PCDHGA1: variants seen among roughly 807,000 people sequenced by gnomAD.
PCDHGA1 encodes the protein protocadherin gamma subfamily A, 1, also known as protocadherin gamma-A1.
PCDHGA1 carries 32 observed loss-of-function variants against 58.0 expected under a neutral mutation model. The observed-to-expected ratio is 0.55, with a 90% CI of 0.42 to 0.74. PCDHGA1 has a LOEUF of 0.74. Among genes scored for constraint, PCDHGA1 ranks in the 30% least tolerant of loss-of-function variants. The pLI is 0.00. For missense variants in PCDHGA1, 1,205 were observed against 1,182.3 expected (o/e 1.02, Z -0.28); for synonymous variants, 498 against 501.1 (o/e 0.99, Z 0.08).
chr5:141,432,589 G>T lies in PCDHGA1; in HGVS notation c.2422-62218G>T. ...CCTGGCTGTCCTACCGTCTGCTCAA[G>T]GCCAGCGAGCCGGGACTCTTCTCGG... On this transcript the variant is annotated intron_variant, in intron 1 of 3. Transcript: ENST00000517417. The surrounding 1 kb of genome is among the most constrained non-coding windows in gnomAD (Gnocchi z 6.0). 1 of 1,613,916 alleles carries T rather than the reference G, an allele frequency of 6.2e-7. No individual in the cohort carries two copies. Among genetic ancestry groups the T allele is most frequent in the Non-Finnish European group, 8.5e-7 (1 of 1,179,974 alleles).
At chr5:141,371,173 C>T in intron 1 of PCDHGA1, 8 of 1,613,998 alleles carry the variant, frequency 5.0e-6, no homozygotes, top group Non-Finnish European at 6.8e-6. Context: ...GCTGGCTCCT[C>T]CGTATTAAAA....
intron 1 of PCDHGA1, chr5:141,389,267 G>A: frequency 6.2e-7 from 1 of 1,614,008 alleles, no homozygotes; most frequent in African/African-American, 1.3e-5. Flanking sequence ...ACGTGGCCGA[G>A]AACAACCCGC....
rs1384951887 is a variant in PCDHGA1, at chr5:141,465,860, T to C, written c.2422-28947T>C. ...AACTGAGGCTGGGCCCAGTGGCTCA[T>C]GCCTGTAATCCCAGCACTTTGGGAG... On this transcript the variant is annotated intron_variant, in intron 1 of 3. Coordinates refer to ENST00000517417, the MANE Select transcript of PCDHGA1 (RefSeq NM_018912.3). Among the ~76,000 whole-genome samples the C allele has an allele frequency of 2.0e-5, 3 of 152,114 alleles. No individual in the cohort carries two copies. The South Asian group carries it at 6.2e-4, about 32-fold the overall frequency.
chr5:141,400,150 C>T (rs1375670164), intron 1 of PCDHGA1: 3 of 1,613,952 alleles, frequency 1.9e-6, no homozygotes, highest in Non-Finnish European at 2.5e-6. Flanking sequence ...CACTGACCGC[C>T]CTGTACCCTC....
chr5:141,502,900 T>C (rs1433421797), intron 2 of PCDHGA1, among the ~76,000 whole-genome samples: 2 of 147,288 alleles, frequency 1.4e-5, no homozygotes, highest in Non-Finnish European at 3.0e-5. Flanking sequence ...TCTAGCTCTG[T>C]TGCCAGGCTG....
intron 1 of PCDHGA1, chr5:141,383,199 G>T (rs574670513): frequency 6.2e-7 from 1 of 1,614,040 alleles, no homozygotes; most frequent in South Asian, 1.1e-5. Flanking sequence ...CTCAGAGTGC[G>T]CGGTGTCTGG....
rs1421497518 is a variant in PCDHGA1 at position 141,431,979 on chromosome 5, A to G, written c.2422-62828A>G. ...GGAAATTACTATAGTTTAGTCACAGACATAGTCTTGGATAGGGAACAGGTT... is the reference window on the plus strand; with the variant it reads ...GGAAATTACTATAGTTTAGTCACAGGCATAGTCTTGGATAGGGAACAGGTT... On this transcript the variant is annotated intron_variant, in intron 1 of 3. Coordinates refer to ENST00000517417, the MANE Select transcript of PCDHGA1 (RefSeq NM_018912.3). This position sits in a 1 kb window ranked among gnomAD's most constrained non-coding sequence, Gnocchi z 4.8. 6.2e-7 allele frequency: 1 copy of G among 1,614,078 alleles called. No homozygotes were observed. The highest frequency in any genetic ancestry group is 1.3e-5 in the African/African-American group (1 of 74,932).
At chr5:141,417,712 C>T in intron 1 of PCDHGA1, 1 of 1,270,436 alleles carries the variant, frequency 7.9e-7, no homozygotes, top group Non-Finnish European at 1.1e-6. Context: ...ACAGAGGCTC[C>T]CGGCTGCGCA....
intron 1 of PCDHGA1, chr5:141,366,742 G>C: frequency 6.2e-7 from 1 of 1,611,864 alleles, no homozygotes; most frequent in Non-Finnish European, 8.5e-7. Flanking sequence ...AAGAAGAACG[G>C]CGAGTTCAGG....
intron 1 of PCDHGA1, chr5:141,356,296 A>G: frequency 6.4e-7 from 1 of 1,555,098 alleles, no homozygotes; most frequent in Non-Finnish European, 8.7e-7. Context: ...GGGTACAGTA[A>G]TTGCACTTTT....
In PCDHGA1 at chr5:141,477,070, T is replaced by A; in HGVS notation, c.2422-17737T>A. 6.2e-7 allele frequency: 1 copy of A among 1,613,342 alleles called. No individual in the cohort carries two copies. The highest frequency in any genetic ancestry group is 8.5e-7 in the Non-Finnish European group (1 of 1,179,244). ...TGGACTTCGAGGACACCAAACTCCATGAGATTTACATCCAGGCCAAAGACA... is the reference window on the plus strand; with the variant it reads ...TGGACTTCGAGGACACCAAACTCCAAGAGATTTACATCCAGGCCAAAGACA... On this transcript the variant is annotated intron_variant, in intron 1 of 3. Coordinates refer to ENST00000517417, the MANE Select transcript of PCDHGA1 (RefSeq NM_018912.3). The surrounding 1 kb of genome is among the most constrained non-coding windows in gnomAD (Gnocchi z 4.9).
intron 1 of PCDHGA1, chr5:141,389,390 C>G: frequency 2.5e-6 from 4 of 1,613,718 alleles, no homozygotes; most frequent in Non-Finnish European, 3.4e-6. Context: ...TGTCATCCTA[C>G]GTGTCCATAA....
intron 1 of PCDHGA1, among the ~76,000 whole-genome samples, chr5:141,452,299 A>G (rs2098738116): frequency 6.6e-6 from 1 of 152,176 alleles, no homozygotes; most frequent in African/African-American, 2.4e-5. Flanking sequence ...ATAAGAAAAT[A>G]TTAGAGACTC....
intron 1 of PCDHGA1, chr5:141,341,281 C>T (rs1757040602): frequency 1.2e-6 from 2 of 1,614,232 alleles, no homozygotes; most frequent in Non-Finnish European, 8.5e-7. Context: ...ACCTGATTTT[C>T]CCCCAGCCCA....
chr5:141,352,573 T>C (rs1759048965), intron 1 of PCDHGA1: 2 of 1,613,758 alleles, frequency 1.2e-6, no homozygotes, highest in African/African-American at 2.7e-5. Flanking sequence ...CGGAAATGGC[T>C]CCCCCTCAGG....
At chr5:141,508,682 C>G (rs2099870913) in intron 3 of PCDHGA1, among the ~76,000 whole-genome samples, 1 of 152,080 alleles carries the variant, frequency 6.6e-6, no homozygotes, top group Non-Finnish European at 1.5e-5. Context: ...TCCCTTCTCC[C>G]TGCTTCTCCG....
rs116716465 is a variant in PCDHGA1, at chr5:141,484,286, C to T, written c.2422-10521C>T. ...GATTCTTTACTGTTTTGAAACATCTCCCTCTCCTGGCTTCCTCCACCCCGC... is the reference window on the plus strand; with the variant it reads ...GATTCTTTACTGTTTTGAAACATCTTCCTCTCCTGGCTTCCTCCACCCCGC... On this transcript the variant is annotated intron_variant, in intron 1 of 3. Coordinates refer to ENST00000517417, the MANE Select transcript of PCDHGA1 (RefSeq NM_018912.3). 8.3e-3 allele frequency among the ~76,000 whole-genome samples: 1,266 copies of T among 152,294 alleles called. 10 individuals carry two copies. The highest frequency in any genetic ancestry group is 0.014 in the Non-Finnish European group (936 of 68,022).
chr5:141,366,623 AAG>A (rs1440567853), intron 1 of PCDHGA1: 2 of 1,614,242 alleles, frequency 1.2e-6, no homozygotes, highest in East Asian at 2.2e-5. Flanking sequence ...GGACTCGAGG[AAG>A]AGTCACCTGA....
chr5:141,481,694 C>A (rs2099542163), intron 1 of PCDHGA1, among the ~76,000 whole-genome samples: 1 of 152,130 alleles, frequency 6.6e-6, no homozygotes, highest in South Asian at 2.1e-4. Flanking sequence ...TGGCTCACGC[C>A]TGTAATCCCA....
Sources: gnomAD v4.1 joint callset for allele counts (sites outside exome capture counted in the v4.1 genomes callset) on GRCh38, gnomAD v4.1.1 for gene constraint, Gnocchi (gnomAD v3.1) non-coding constraint, MANE v1.5 for transcripts, NCBI Gene and HGNC (gene_info 2026-07-23, HGNC 2026-07-21) for gene names.